The following OPCML variants were observed in gnomAD, a reference collection of about 807,000 sequenced individuals.
The protein encoded by OPCML is opioid-binding protein/cell adhesion molecule.
A neutral mutation model predicts 37.8 loss-of-function variants in OPCML; 13 were observed. The ratio of observed to expected loss-of-function variants is 0.34; its 90% CI spans 0.22 to 0.55. The LOEUF is 0.55. OPCML is among the 20% of genes least tolerant of loss of function. The pLI, the probability that OPCML is intolerant of heterozygous loss-of-function variation, is 0.91. For missense variants in OPCML, 341 were observed against 435.6 expected (o/e 0.78, Z 1.93); for synonymous variants, 176 against 168.8 (o/e 1.04, Z -0.33).
chr11:133,259,539 G>T (rs1208295365), intron 1 of OPCML, among the ~76,000 whole-genome samples: 1 of 152,150 alleles, frequency 6.6e-6, no homozygotes, highest in African/African-American at 2.4e-5. Flanking sequence ...AATCTGAGAT[G>T]TAGAAACACA....
At chr11:133,094,002 T>A (rs1948957695) in intron 1 of OPCML, among the ~76,000 whole-genome samples, 1 of 152,186 alleles carries the variant, frequency 6.6e-6, no homozygotes, top group Non-Finnish European at 1.5e-5. Context: ...TTATTTTTTC[T>A]GCTGTCATCT....
chr11:132,976,554 T>C (rs186259053), intron 1 of OPCML, among the ~76,000 whole-genome samples: 12 of 152,256 alleles, frequency 7.9e-5, no homozygotes, highest in African/African-American at 1.9e-4. Context: ...TCCCATCAGG[T>C]GTTCAAGTTG....
intron 1 of OPCML, among the ~76,000 whole-genome samples, chr11:133,060,672 G>T (rs189274279): frequency 6.6e-6 from 1 of 152,358 alleles, no homozygotes; most frequent in African/African-American, 2.4e-5. Flanking sequence ...GGGAAGGCAG[G>T]TGCCTCATTC....
chr11:132,767,598 C>G (rs2136113307), intron 2 of OPCML, among the ~76,000 whole-genome samples: 1 of 152,294 alleles, frequency 6.6e-6, no homozygotes, highest in Non-Finnish European at 1.5e-5. Flanking sequence ...CTGGCTTACC[C>G]AGGTGCTCAT....
At chr11:132,871,454 T>G (rs1942791444) in intron 2 of OPCML, among the ~76,000 whole-genome samples, 1 of 152,258 alleles carries the variant, frequency 6.6e-6, no homozygotes, top group Non-Finnish European at 1.5e-5. Context: ...TGCAATATCA[T>G]GACTGTTTAC....
chr11:133,211,155 A>G lies in OPCML; in HGVS notation c.62-268145T>C, dbSNP rs767871745. ...GTGATTGATGAGCCTGCCAGAAGGA[A>G]TCAAATATTTCTGCAAATTCTGATG... On this transcript the variant is annotated intron_variant, in intron 1 of 7. Coordinates refer to ENST00000524381, the MANE Select transcript of OPCML (RefSeq NM_001012393.5). The surrounding 1 kb of genome is among the most constrained non-coding windows in gnomAD (Gnocchi z 4.1). 7.9e-5 allele frequency among the ~76,000 whole-genome samples: 12 copies of G among 152,162 alleles called. No individual in the cohort carries two copies. Among genetic ancestry groups the G allele is most frequent in the Admixed American group, 3.3e-4 (5 of 15,282 alleles).
intron 1 of OPCML, among the ~76,000 whole-genome samples, chr11:133,274,364 A>G (rs904110791): frequency 6.6e-6 from 1 of 152,162 alleles, no homozygotes; most frequent in African/African-American, 2.4e-5. Context: ...AGAAAAGGAG[A>G]AAAGACACAG....
intron 1 of OPCML, among the ~76,000 whole-genome samples, chr11:133,364,215 T>G (rs1162772976): frequency 6.6e-6 from 1 of 152,212 alleles, no homozygotes; most frequent in Non-Finnish European, 1.5e-5. Context: ...TAAGGGTATA[T>G]TCCTACACGC....
At chr11:133,402,034 A>G (rs1220279262) in intron 1 of OPCML, among the ~76,000 whole-genome samples, 1 of 152,192 alleles carries the variant, frequency 6.6e-6, no homozygotes, top group Non-Finnish European at 1.5e-5. Context: ...GATTTCTTAG[A>G]CAGTGTATCT....
chr11:132,919,729 G>A (rs899922593), intron 2 of OPCML, among the ~76,000 whole-genome samples: 9 of 152,012 alleles, frequency 5.9e-5, no homozygotes, highest in Non-Finnish European at 8.8e-5. Context: ...TCCTCACCTC[G>A]GAATTACAAG....
chr11:132,961,185 A>C lies in OPCML; in HGVS notation c.62-18175T>G, dbSNP rs573187884. On this transcript the variant is annotated intron_variant, in intron 1 of 7. Coordinates refer to ENST00000524381, the MANE Select transcript of OPCML (RefSeq NM_001012393.5). ...TTTTCCTGGAGATATAGACACTGAC[A>C]CAGACATGTGAGCAGCACCCTGAGC... Among the ~76,000 whole-genome samples, 37 of 152,304 alleles carry C rather than the reference A, an allele frequency of 2.4e-4. No individual in the cohort carries two copies. In the South Asian group the frequency reaches 7.5e-3, roughly 31 times the overall value.
intron 3 of OPCML, among the ~76,000 whole-genome samples, chr11:132,568,470 G>A (rs1377293460): frequency 6.6e-6 from 1 of 152,180 alleles, no homozygotes; most frequent in Non-Finnish European, 1.5e-5. Flanking sequence ...AACTATACTG[G>A]ATTAGGGTAG....
At chr11:133,138,557 C>T (rs1949725381) in intron 1 of OPCML, among the ~76,000 whole-genome samples, 1 of 152,314 alleles carries the variant, frequency 6.6e-6, no homozygotes, top group Admixed American at 6.5e-5. Flanking sequence ...GAAAATAGGA[C>T]AATCTGCTTA....
chr11:133,254,141 TC>T (rs1488994418), intron 1 of OPCML, among the ~76,000 whole-genome samples: 19 of 152,278 alleles, frequency 1.2e-4, no homozygotes, highest in African/African-American at 4.6e-4. Flanking sequence ...AAGGGGGTAT[TC>T]ATTTTTACTA....
At chr11:133,363,792 A>G (rs769436582) in intron 1 of OPCML, among the ~76,000 whole-genome samples, 6 of 151,858 alleles carry the variant, frequency 4.0e-5, no homozygotes, top group Non-Finnish European at 7.4e-5. Flanking sequence ...AGCCGAGCAA[A>G]AGAGGAGGCT....
intron 3 of OPCML, among the ~76,000 whole-genome samples, chr11:132,638,295 A>G (rs1940648907): frequency 6.6e-6 from 1 of 151,602 alleles, no homozygotes; most frequent in South Asian, 2.1e-4. Context: ...TGGTGTTCAG[A>G]CCCCTGTATT....
chr11:132,821,206 A>T (rs997924784), intron 2 of OPCML, among the ~76,000 whole-genome samples: 3 of 152,198 alleles, frequency 2.0e-5, no homozygotes, highest in African/African-American at 7.2e-5. Flanking sequence ...CGAAGCTGAG[A>T]TTCTCCTGCT....
chr11:133,006,555 C>G, intron 1 of OPCML: 1 of 985,418 alleles, frequency 1.0e-6, no homozygotes, highest in African/African-American at 1.7e-5. Flanking sequence ...GAACTTTGCA[C>G]AAATTTTGCT....
In OPCML at chr11:133,212,007, A is replaced by G. The variant is rs565466588; in HGVS notation, c.62-268997T>C. 1.8e-4 allele frequency among the ~76,000 whole-genome samples: 28 copies of G among 152,284 alleles called. 1 individual carries two copies. Among genetic ancestry groups the G allele is most frequent in the African/African-American group, 6.7e-4 (28 of 41,548 alleles). ...TGGCAAGCCTAGTGCATACAGCCTG[A>G]TAGCAGATTGACCGTGCCAGCTGTC... On this transcript the variant is annotated intron_variant, in intron 1 of 7. Transcript: ENST00000524381. The surrounding 1 kb of genome is among the most constrained non-coding windows in gnomAD (Gnocchi z 4.9).
Sources: gnomAD v4.1 joint callset for allele counts (sites outside exome capture counted in the v4.1 genomes callset) on GRCh38, gnomAD v4.1.1 for gene constraint, Gnocchi (gnomAD v3.1) non-coding constraint, MANE v1.5 for transcripts, NCBI Gene and HGNC (gene_info 2026-07-23, HGNC 2026-07-21) for gene names.